Variants in LRRC4C observed in about 807,000 individuals in gnomAD.
The protein encoded by LRRC4C is leucine rich repeat containing 4C.
A neutral mutation model predicts 33.6 loss-of-function variants in LRRC4C; 5 were observed. The observed-to-expected ratio is 0.15, with a 90% CI of 0.08 to 0.31. LRRC4C has a LOEUF of 0.31. LRRC4C is among the 10% of genes least tolerant of loss of function. LRRC4C has a pLI of 1.00. For missense variants in LRRC4C, 560 were observed against 796.7 expected (o/e 0.70, Z 3.58); for synonymous variants, 329 against 302.0 (o/e 1.09, Z -0.93).
rs868163092 is a variant in LRRC4C at position 41,220,535 on chromosome 11, C to T, written c.-496+238896G>A. The stretch of plus-strand genomic sequence containing the variant: ...CTCCAATATTAAACACACAGACATA[C>T]ACACACACACACACACACACACACA... On this transcript the variant is annotated intron_variant, in intron 1 of 6. Coordinates refer to ENST00000528697, the MANE Select transcript of LRRC4C (RefSeq NM_001258419.2). 9.4e-3 allele frequency among the ~76,000 whole-genome samples: 588 copies of T among 62,282 alleles called. 4 individuals carry two copies. Among genetic ancestry groups the T allele is most frequent in the African/African-American group, 0.021 (558 of 25,966 alleles). The allele number at this position is 62,282 out of a possible 152,430, so 40.9% of individuals were successfully genotyped here.
At chr11:41,064,156 A>G (rs1938022624) in intron 1 of LRRC4C, among the ~76,000 whole-genome samples, 2 of 152,216 alleles carry the variant, frequency 1.3e-5, no homozygotes, top group Non-Finnish European at 2.9e-5. Context: ...TTATTTACCA[A>G]TTCACCCAGA....
At chr11:40,165,302 G>T (rs1859495022) in intron 5 of LRRC4C, among the ~76,000 whole-genome samples, 2 of 152,110 alleles carry the variant, frequency 1.3e-5, no homozygotes, top group South Asian at 4.1e-4. Flanking sequence ...ATTTGTGTGT[G>T]TGCCTTTGTA....
At chr11:40,323,979 C>T (rs1197725246) in intron 3 of LRRC4C, among the ~76,000 whole-genome samples, 2 of 152,076 alleles carry the variant, frequency 1.3e-5, no homozygotes, top group South Asian at 2.1e-4. Flanking sequence ...CACTAGTCGG[C>T]GGGAAGATCC....
chr11:40,115,890 G>T lies in LRRC4C; in HGVS notation c.403C>A (p.Arg135Ser). 5 of 1,614,108 alleles carry T rather than the reference G, an allele frequency of 3.1e-6. No individual in the cohort carries two copies. Among genetic ancestry groups the T allele is most frequent in the Non-Finnish European group, 4.2e-6 (5 of 1,180,010 alleles). ...NLNTLELFDN[R>S]LTTIPNGAFV... ...GCTCCATTCGGGATGGTAGTAAGACGATTGTCAAAGAGTTCCAGAGTGTTG... is the reference window on the plus strand; with the variant it reads ...GCTCCATTCGGGATGGTAGTAAGACTATTGTCAAAGAGTTCCAGAGTGTTG... Residue 135 changes from arginine (R) to serine (S), a missense_variant, in exon 7 of 7, where the codon CGT (arginine) becomes AGT (serine). Physicochemically the swap from Arg to Ser is moderately radical, Grantham distance 110. Around this residue, in one of 3 missense-constraint regions of LRRC4C, gnomAD observed 455 missense variants for 643.8 expected, o/e 0.71. Transcript: ENST00000528697. This position sits in a 1 kb window ranked among gnomAD's most constrained non-coding sequence, Gnocchi z 6.7.
intron 3 of LRRC4C, among the ~76,000 whole-genome samples, chr11:40,363,367 T>G (rs1488177795): frequency 6.6e-6 from 1 of 152,002 alleles, no homozygotes; most frequent in South Asian, 2.1e-4. Flanking sequence ...ACACATTATA[T>G]GAACACATAG....
chr11:40,671,754 C>G (rs1171134272), intron 2 of LRRC4C, among the ~76,000 whole-genome samples: 2 of 151,136 alleles, frequency 1.3e-5, no homozygotes, highest in African/African-American at 4.9e-5. Flanking sequence ...TAACCCTCAT[C>G]TTCATAATCC....
intron 3 of LRRC4C, among the ~76,000 whole-genome samples, chr11:40,537,013 G>A (rs1466954273): frequency 6.6e-6 from 1 of 152,190 alleles, no homozygotes; most frequent in Non-Finnish European, 1.5e-5. Context: ...GACTGTCATA[G>A]AGTAGATTCT....
At chr11:40,708,686 T>C (rs1294373965) in intron 2 of LRRC4C, among the ~76,000 whole-genome samples, 2 of 152,292 alleles carry the variant, frequency 1.3e-5, no homozygotes, top group Non-Finnish European at 2.9e-5. Flanking sequence ...GAATGTATAT[T>C]CTGTTGGGGT....
chr11:41,418,357 A>G (rs1954761765), intron 1 of LRRC4C, among the ~76,000 whole-genome samples: 1 of 152,034 alleles, frequency 6.6e-6, no homozygotes, highest in Non-Finnish European at 1.5e-5. Flanking sequence ...GGTGCACTAT[A>G]GAAGCAAGTA....
intron 1 of LRRC4C, among the ~76,000 whole-genome samples, chr11:41,442,014 T>G (rs139096654): frequency 1.1e-4 from 16 of 152,306 alleles, no homozygotes; most frequent in Non-Finnish European, 1.8e-4. Flanking sequence ...ACATATGCAT[T>G]AATATTTTCT....
intron 1 of LRRC4C, among the ~76,000 whole-genome samples, chr11:41,273,596 G>C (rs1949387753): frequency 6.6e-6 from 1 of 152,114 alleles, no homozygotes; most frequent in African/African-American, 2.4e-5. Flanking sequence ...CTAAAGGAAG[G>C]GGAAAATGGA....
intron 1 of LRRC4C, among the ~76,000 whole-genome samples, chr11:41,075,184 G>A (rs573877495): frequency 1.3e-5 from 2 of 151,776 alleles, no homozygotes; most frequent in African/African-American, 2.4e-5. Context: ...TAGGCTCAAC[G>A]GTCACTTTGC....
intron 3 of LRRC4C, among the ~76,000 whole-genome samples, chr11:40,436,573 G>GA (rs1488371645): frequency 6.6e-6 from 1 of 152,174 alleles, no homozygotes; most frequent in African/African-American, 2.4e-5. Flanking sequence ...AGAGCCTGGT[G>GA]TGTGCACCCA....
At chr11:41,431,661 A>G (rs1054973957) in intron 1 of LRRC4C, among the ~76,000 whole-genome samples, 1 of 151,926 alleles carries the variant, frequency 6.6e-6, no homozygotes, top group African/African-American at 2.4e-5. Flanking sequence ...GTACACGTAC[A>G]CACACGCACA....
At chr11:40,371,094 T>G (rs2137258683) in intron 3 of LRRC4C, among the ~76,000 whole-genome samples, 1 of 152,276 alleles carries the variant, frequency 6.6e-6, no homozygotes, top group African/African-American at 2.4e-5. Flanking sequence ...ACAAAGACAT[T>G]AATTAAAAAA....
intron 2 of LRRC4C, among the ~76,000 whole-genome samples, chr11:40,911,128 T>C (rs903729375): frequency 3.9e-5 from 6 of 152,152 alleles, no homozygotes; most frequent in Non-Finnish European, 7.4e-5. Flanking sequence ...GGGCAGGGCA[T>C]AGCCAAACAA....
At chr11:40,358,604 C>T (rs76622704) in intron 3 of LRRC4C, among the ~76,000 whole-genome samples, 2,353 of 152,126 alleles carry the variant, frequency 0.015, 53 homozygotes, top group African/African-American at 0.053. Context: ...TATAACCTCC[C>T]GTCTCCTATA....
chr11:40,561,951 A>C (rs188126496), intron 3 of LRRC4C, among the ~76,000 whole-genome samples: 516 of 152,332 alleles, frequency 3.4e-3, no homozygotes, highest in Non-Finnish European at 5.1e-3. Flanking sequence ...TACAGGCTTG[A>C]GGCAGCAGAC....
At position 41,055,927 on chromosome 11, in the gene LRRC4C, G is replaced by C. The variant is rs531082780; in HGVS notation, c.-495-122204C>G. 8.5e-5 allele frequency among the ~76,000 whole-genome samples: 13 copies of C among 152,192 alleles called. No homozygotes were observed. The South Asian group carries it at 2.7e-3, about 32-fold the overall frequency. On this transcript the variant is annotated intron_variant, in intron 1 of 6. Transcript: ENST00000528697. ...CTCAAATAGAAAAAATAAGGTTGAA[G>C]ATTTTCCTAAATATAAATTATATGC... is the stretch of plus-strand genomic sequence containing the variant.
Sources: allele counts gnomAD v4.1 joint callset (sites outside exome capture counted in the v4.1 genomes callset), GRCh38; gene constraint gnomAD v4.1.1; regional missense constraint gnomAD v4.1.1; non-coding constraint Gnocchi (gnomAD v3.1); transcripts MANE v1.5; gene names NCBI Gene and HGNC (gene_info 2026-07-23, HGNC 2026-07-21).